The following LACRT variants were observed in gnomAD, a reference collection of about 807,000 sequenced individuals.
The protein encoded by LACRT is lacritin.
A neutral mutation model predicts 14.5 loss-of-function variants in LACRT; 14 were observed. The ratio of observed to expected loss-of-function variants is 0.96; its 90% CI spans 0.64 to 1.51. The LOEUF (loss-of-function observed/expected upper bound fraction) is 1.51, where lower values mean the gene tolerates loss of function less well. Among genes scored for constraint, LACRT ranks in the 40% most tolerant of loss-of-function variants. LACRT has a pLI of 0.00. For missense variants in LACRT, 156 were observed against 161.8 expected, an observed-to-expected ratio of 0.96 and a Z score of 0.19; for synonymous variants, 70 against 63.5, an observed-to-expected ratio of 1.10 and a Z score of -0.48.
chr12:54,631,534 C>T (rs1355362517), intron 4 of LACRT, among the ~76,000 whole-genome samples: 1 of 152,178 alleles, frequency 6.6e-6, no homozygotes, highest in African/African-American at 2.4e-5. Context: ...AACCACCGTG[C>T]CCAGCTGGCA....
rs994074828 is a variant in LACRT, at chr12:54,633,381, C to T, written c.59-148G>A. On this transcript the variant is annotated intron_variant, in intron 1 of 4. Coordinates refer to ENST00000257867, the MANE Select transcript of LACRT (RefSeq NM_033277.2). ...TCCCTTTGGGTTGGACATGCCCTTC[C>T]ACCATATCAGCGGGTCTACTGGGGC... 5.8e-5 allele frequency: 40 copies of T among 693,206 alleles called. No individual in the cohort carries two copies. The South Asian group carries it at 6.6e-4, about 11-fold the overall frequency. The allele number at this position is 693,206 out of a possible 1,614,324, so 42.9% of individuals were successfully genotyped here.
rs763972142 is a variant in LACRT, at chr12:54,634,892, G to T, written c.-51C>A. On this transcript the variant is annotated 5_prime_UTR_variant, in exon 1 of 5. Coordinates refer to ENST00000257867, the MANE Select transcript of LACRT (RefSeq NM_033277.2). ...CCACAGAATCTGCAGAAGGTCTGGG[G>T]AATAAGGATGCTGAAATTGCTGGGC... 6 of 1,474,126 alleles carry T rather than the reference G, an allele frequency of 4.1e-6. No individual in the cohort carries two copies. The highest frequency in any genetic ancestry group is 3.8e-6 in the Non-Finnish European group (4 of 1,052,908). 91.3% of individuals were successfully genotyped at this position (1,474,126 alleles called of 1,614,324 possible). A position where few individuals can be genotyped will look rare whatever the true frequency, so the allele number is the denominator to read the frequency against.
intron 2 of LACRT, 73 bp from the exon 3 acceptor site, chr12:54,632,454 C>A: frequency 6.4e-7 from 1 of 1,563,084 alleles, no homozygotes; most frequent in Non-Finnish European, 8.7e-7. Context: ...TTGCAGGGCC[C>A]CAGGATACCT....
At chr12:54,633,121 A>G in intron 2 of LACRT, 59 bp downstream of exon 2, 1 of 1,532,472 alleles carries the variant, frequency 6.5e-7, no homozygotes. Flanking sequence ...CACCACTCAC[A>G]TCCCTAACTG....
Position 54,630,927 on chromosome 12 carries a change from G to A in LACRT, c.382C>T (p.Leu128=). The A allele has an allele frequency of 6.2e-7, 1 of 1,612,372 alleles. No homozygotes were observed. The highest frequency in any genetic ancestry group is 8.5e-7 in the Non-Finnish European group (1 of 1,178,694). ...ENGSEFAQKL[L]KKFSLLKPWA ...GGTTTTAATAGACTGAATTTCTTCA[G>A]TAATTTTTGTGCAAATTCACTTCCA... is the stretch of plus-strand genomic sequence containing the variant. The change falls in exon 5 of 5, where the codon CTG becomes TTG. Residue 128 remains leucine, a synonymous_variant. Transcript: ENST00000257867.
Position 54,633,168 on chromosome 12 carries a change from A to G in LACRT, c.112+12T>C. On this transcript the variant is annotated intron_variant, in intron 2 of 4. Coordinates refer to ENST00000257867, the MANE Select transcript of LACRT (RefSeq NM_033277.2). ...CAACGAGGGCTAGGGCAGCAGGGAG[A>G]GGAGGACTCACAGGTCCCAGCTTCC... is the stretch of plus-strand genomic sequence containing the variant. 1 of 1,613,596 alleles carries G rather than the reference A, an allele frequency of 6.2e-7. No homozygotes were observed. Among genetic ancestry groups the G allele is most frequent in the Non-Finnish European group, 8.5e-7 (1 of 1,179,648 alleles).
chr12:54,633,044 A>G (rs1392431049), intron 2 of LACRT, 136 bp downstream of exon 2: 3 of 853,486 alleles, frequency 3.5e-6, no homozygotes, highest in Admixed American at 1.7e-5. Flanking sequence ...TTATTATATT[A>G]CCTGCCCCTC....
intron 1 of LACRT, 43 bp from the exon 2 acceptor site, chr12:54,633,276 CG>C: frequency 6.4e-7 from 1 of 1,571,214 alleles, no homozygotes; most frequent in Non-Finnish European, 8.7e-7. Context: ...AGGACCGAAC[CG>C]GACCTACTCG....
At chr12:54,633,325 G>T in intron 1 of LACRT, 92 bp from the exon 2 acceptor site, 1 of 1,128,084 alleles carries the variant, frequency 8.9e-7, no homozygotes, top group Non-Finnish European at 1.3e-6. Context: ...CTTATCTCCT[G>T]GGAATGCTCA....
At chr12:54,631,573 A>T (rs1294089210) in intron 4 of LACRT, 165 bp downstream of exon 4, 4 of 627,414 alleles carry the variant, frequency 6.4e-6, no homozygotes, top group African/African-American at 1.8e-5. Flanking sequence ...AATTGGAAAC[A>T]TATGAAAGCA....
chr12:54,632,042 T>C, intron 3 of LACRT, 199 bp downstream of exon 3: 2 of 681,900 alleles, frequency 2.9e-6, no homozygotes, highest in African/African-American at 1.8e-5. Context: ...AGAAACCATG[T>C]ATTGTGCAGG....
intron 1 of LACRT, 121 bp from the exon 2 acceptor site, chr12:54,633,354 T>C: frequency 3.4e-6 from 3 of 878,154 alleles, no homozygotes; most frequent in Non-Finnish European, 5.4e-6. Flanking sequence ...AGGGGATCAA[T>C]TTCCCTTTGG....
chr12:54,633,146 C>A (rs115843517), intron 2 of LACRT, 34 bp downstream of exon 2: 2 of 1,608,670 alleles, frequency 1.2e-6, no homozygotes, highest in Non-Finnish European at 1.7e-6. Context: ...ACCTTCCCAA[C>A]GAGGGCTAGG....
Position 54,630,894 on chromosome 12 carries a change from A to G in LACRT, c.415T>C (p.Ter139ArgextTer22), listed in dbSNP as rs777252435. 4.4e-6 allele frequency: 7 copies of G among 1,605,740 alleles called. No homozygotes were observed. Among genetic ancestry groups the G allele is most frequent in the Non-Finnish European group, 6.0e-6 (7 of 1,172,516 alleles). Residue 139 changes from the stop codon to arginine, a stop_lost, in exon 5 of 5, where the codon TGA (stop) becomes CGA (arginine). Coordinates refer to ENST00000257867, the MANE Select transcript of LACRT (RefSeq NM_033277.2). ...KKFSLLKPWA[*>R] ...ATGATCCCATTCTTTTCAGCTTCTC[A>G]TGCCCATGGTTTTAATAGACTGAAT...
intron 2 of LACRT, among the ~76,000 whole-genome samples, chr12:54,632,701 G>A (rs1193881183): frequency 1.3e-5 from 2 of 152,118 alleles, no homozygotes; most frequent in Non-Finnish European, 2.9e-5. Context: ...CAGGCAGTGA[G>A]TAAGAGGTCA....
At chr12:54,634,091 G>A (rs1018970774) in intron 1 of LACRT, among the ~76,000 whole-genome samples, 27 of 152,034 alleles carry the variant, frequency 1.8e-4, no homozygotes, top group Non-Finnish European at 3.1e-4. Context: ...GGTGGCTCAC[G>A]CCTGTAATTC....
chr12:54,634,888 TG>T lies in LACRT; in HGVS notation c.-48del, dbSNP rs760427297. On this transcript the variant is annotated 5_prime_UTR_variant, in exon 1 of 5. Coordinates refer to ENST00000257867, the MANE Select transcript of LACRT (RefSeq NM_033277.2). ...ATAACCACAGAATCTGCAGAAGGTCTGGGGAATAAGGATGCTGAAATTGCTG... is the reference window on the plus strand; with the variant it reads ...ATAACCACAGAATCTGCAGAAGGTCTGGGAATAAGGATGCTGAAATTGCTG... 3.8e-5 allele frequency: 57 copies of T among 1,509,800 alleles called. No individual in the cohort carries two copies. The highest frequency in any genetic ancestry group is 5.3e-5 in the Non-Finnish European group (57 of 1,085,366). 93.5% of individuals were successfully genotyped at this position (1,509,800 alleles called of 1,614,324 possible).
Position 54,632,241 on chromosome 12 carries a change from T to C in LACRT, c.253A>G (p.Lys85Glu). 11 of 1,614,014 alleles carry C rather than the reference T, an allele frequency of 6.8e-6. No individual in the cohort carries two copies. The highest frequency in any genetic ancestry group is 1.1e-5 in the South Asian group (1 of 91,066). ...ATCTGGCATAGAGACAGAGACTTACTCAGGGGGTTTAGTTCCTGCCTGCTT... is the reference window on the plus strand; with the variant it reads ...ATCTGGCATAGAGACAGAGACTTACCCAGGGGGTTTAGTTCCTGCCTGCTT... ...TSSRQELNPL[K>E]SIVEKSILLT... The change falls in exon 3 of 5, where the codon AAA (lysine) becomes GAA (glutamate). Residue 85 changes from lysine (K) to glutamate (E), a missense_variant and splice_region_variant. Physicochemically the swap from Lys to Glu is moderately conservative, Grantham distance 56. Coordinates refer to ENST00000257867, the MANE Select transcript of LACRT (RefSeq NM_033277.2).
Position 54,633,556 on chromosome 12 carries a change from G to A in LACRT, c.59-323C>T, listed in dbSNP as rs541177610. Among the ~76,000 whole-genome samples the A allele has an allele frequency of 3.3e-5, 5 of 152,260 alleles. No homozygotes were observed. The East Asian group carries it at 9.7e-4, about 29-fold the overall frequency. On this transcript the variant is annotated intron_variant, in intron 1 of 4. Transcript: ENST00000257867. ...TCATGGAGCTGGCCATGGTCAGAGG[G>A]GCTCAACCTCCTCTGTGGTGGAGGA...
Sources: gnomAD v4.1 joint callset for allele counts (sites outside exome capture counted in the v4.1 genomes callset) on GRCh38, gnomAD v4.1.1 for gene constraint, MANE v1.5 for transcripts, NCBI Gene and HGNC (gene_info 2026-07-23, HGNC 2026-07-21) for gene names.